The following EXD3 variants were observed in gnomAD, a reference collection of about 807,000 sequenced individuals.
The protein encoded by EXD3 is exonuclease mut-7 homolog.
EXD3 carries 92 observed loss-of-function variants against 98.0 expected under a neutral mutation model. The ratio of observed to expected loss-of-function variants is 0.94; its 90% confidence interval spans 0.79 to 1.12. The LOEUF (loss-of-function observed/expected upper bound fraction) is 1.12, where lower values mean the gene tolerates loss of function less well. Ranked by LOEUF, EXD3 falls within the 50% of genes most tolerant of loss-of-function variation. The pLI, the probability that EXD3 is intolerant of heterozygous loss-of-function variation, is 0.00. For synonymous variants in EXD3, 569 were observed against 526.0 expected, an observed-to-expected ratio of 1.08 and a Z score of -1.12; for missense variants, 1,222 against 1,191.6, an observed-to-expected ratio of 1.03 and a Z score of -0.38.
At chr9:137,404,766 A>G (rs550256594) in intron 1 of EXD3, among the ~76,000 whole-genome samples, 3 of 152,178 alleles carry the variant, frequency 2.0e-5, no homozygotes, top group African/African-American at 7.2e-5. Context: ...AGGCTGAGGC[A>G]GGAGAAATGC....
chr9:137,353,877 C>A, intron 10 of EXD3: 1 of 988,860 alleles, frequency 1.0e-6, no homozygotes, highest in Non-Finnish European at 1.2e-6. Context: ...GCTGCTTCCC[C>A]GGCGTGGGTT....
At chr9:137,389,363 C>T (rs1836774795) in intron 2 of EXD3, among the ~76,000 whole-genome samples, 1 of 152,192 alleles carries the variant, frequency 6.6e-6, no homozygotes, top group Non-Finnish European at 1.5e-5. Context: ...CACAGCGGCC[C>T]ACAACCCCAG....
intron 19 of EXD3, among the ~76,000 whole-genome samples, chr9:137,313,731 G>A (rs983386249): frequency 6.6e-6 from 1 of 152,182 alleles, no homozygotes; most frequent in East Asian, 1.9e-4. Flanking sequence ...GGTCCAGGAG[G>A]AGTCAAGGCC....
chr9:137,323,800 G>A lies in EXD3; in HGVS notation c.2109C>T (p.Ala703=). 1.9e-6 allele frequency: 3 copies of A among 1,612,332 alleles called. No homozygotes were observed. The highest frequency in any genetic ancestry group is 2.5e-6 in the Non-Finnish European group (3 of 1,179,764). The part of the protein sequence containing the change: ...RCLSVDCSLK[A]QQQAKAVLKH... ...TGAGCACAGCCTTGGCCTGCTGCTG[G>A]GCCTTCAGGGAGCAGTCGACCGAGA... The change falls in exon 19 of 22, where the codon GCC becomes GCT. Residue 703 remains alanine (A), a synonymous_variant. Transcript: ENST00000340951.
At chr9:137,389,463 A>G (rs1836779075) in intron 2 of EXD3, among the ~76,000 whole-genome samples, 1 of 152,180 alleles carries the variant, frequency 6.6e-6, no homozygotes. Flanking sequence ...TTGGAGACAG[A>G]ACCTGACCCA....
At chr9:137,387,591 G>A (rs943716326) in intron 2 of EXD3, among the ~76,000 whole-genome samples, 2 of 152,136 alleles carry the variant, frequency 1.3e-5, no homozygotes, top group African/African-American at 2.4e-5. Context: ...AGCAGTGAGA[G>A]GACAGGGTGC....
chr9:137,422,283 G>C (rs1407637168), intron 1 of EXD3, among the ~76,000 whole-genome samples: 2 of 152,068 alleles, frequency 1.3e-5, no homozygotes, highest in Non-Finnish European at 2.9e-5. Flanking sequence ...GGGGGCAAAT[G>C]AGAAAGAAAA....
intron 19 of EXD3, among the ~76,000 whole-genome samples, chr9:137,314,488 G>A (rs1019457049): frequency 9.2e-5 from 14 of 152,236 alleles, no homozygotes; most frequent in South Asian, 8.3e-4. Context: ...GTCTATCCCC[G>A]TGGAGCAAGC....
At chr9:137,379,548 G>A (rs886502983) in intron 3 of EXD3, among the ~76,000 whole-genome samples, 16 of 151,866 alleles carry the variant, frequency 1.1e-4, no homozygotes, top group Non-Finnish European at 2.2e-4. Flanking sequence ...GGGGTACGGG[G>A]TTTGCTTCTG....
intron 20 of EXD3, among the ~76,000 whole-genome samples, chr9:137,308,659 C>T (rs1477858517): frequency 2.2e-5 from 3 of 139,458 alleles, no homozygotes; most frequent in Non-Finnish European, 4.6e-5. Flanking sequence ...TTTTTGGAGA[C>T]GGAGTCTCAC....
chr9:137,354,600 T>C, intron 9 of EXD3, 100 bp downstream of exon 9: 2 of 1,566,024 alleles, frequency 1.3e-6, no homozygotes, highest in Middle Eastern at 1.7e-4. Flanking sequence ...TCCTACTTGA[T>C]ATGTCTGTGC....
intron 2 of EXD3, among the ~76,000 whole-genome samples, chr9:137,390,119 C>CAA (rs34716316): frequency 0.51 from 11,810 of 23,340 alleles, 4,208 homozygotes; most frequent in Non-Finnish European, 0.55. Context: ...GAGACTCTGT[C>CAA]AAAAAAAAAA....
chr9:137,327,737 T>G (rs1832521396), intron 17 of EXD3, among the ~76,000 whole-genome samples: 1 of 144,112 alleles, frequency 6.9e-6, no homozygotes, highest in South Asian at 2.2e-4. Flanking sequence ...TACACCCACA[T>G]GATGAGTAAA....
At chr9:137,391,934 A>C (rs1836936703) in intron 2 of EXD3, 1 of 152,192 alleles carries the variant, frequency 6.6e-6, no homozygotes, top group South Asian at 2.1e-4. Flanking sequence ...TACTGCCTCC[A>C]AGCCATTCTC....
At chr9:137,391,152 C>G (rs1391803740) in intron 2 of EXD3, among the ~76,000 whole-genome samples, 1 of 152,224 alleles carries the variant, frequency 6.6e-6, no homozygotes, top group East Asian at 1.9e-4. Context: ...CACGTCCACC[C>G]ACAGCCACAG....
chr9:137,355,700 A>AGGAGGAAGGAGGAAGGAGGAAGGAGAAAG (rs1564509236), intron 8 of EXD3, among the ~76,000 whole-genome samples: 5 of 70,448 alleles, frequency 7.1e-5, no homozygotes, highest in Non-Finnish European at 9.8e-5. Flanking sequence ...AAAGGGAGGA[A>AGGAGGAAGGAGGAAGGAGGAAGGAGAAAG]GGAGGAAGGA....
At chr9:137,409,217 G>A (rs539737677) in intron 1 of EXD3, among the ~76,000 whole-genome samples, 7 of 152,228 alleles carry the variant, frequency 4.6e-5, no homozygotes, top group Non-Finnish European at 7.4e-5. Flanking sequence ...GCCTGAGCCC[G>A]CATGCTGGGC....
chr9:137,366,365 T>C (rs1239838538), intron 7 of EXD3, 128 bp downstream of exon 7: 1 of 1,351,594 alleles, frequency 7.4e-7, no homozygotes, highest in East Asian at 2.5e-5. Flanking sequence ...ATGGCAGCTG[T>C]GACCCAAACA....
chr9:137,391,081 G>A (rs1836880482), intron 2 of EXD3, among the ~76,000 whole-genome samples: 1 of 152,206 alleles, frequency 6.6e-6, no homozygotes, highest in South Asian at 2.1e-4. Context: ...GGCAGCCTCG[G>A]CAGCTTCTCC....
Sources: gnomAD v4.1 joint callset for allele counts (sites outside exome capture counted in the v4.1 genomes callset) on GRCh38, gnomAD v4.1.1 for gene constraint, MANE v1.5 for transcripts, NCBI Gene and HGNC (gene_info 2026-07-23, HGNC 2026-07-21) for gene names.